Variants in WDR11 observed in about 807,000 individuals in gnomAD.
WDR11 encodes the protein WD repeat-containing protein 11.
WDR11 carries 83 observed loss-of-function variants against 151.2 expected under a neutral mutation model. That is an observed-to-expected ratio of 0.55 (90% CI 0.46 to 0.66). The LOEUF is 0.66. WDR11 is among the 30% of genes least tolerant of loss of function. The probability of loss-of-function intolerance (pLI) is 0.00; values close to 1 mark genes in which losing one functional copy is unlikely to be tolerated. For synonymous variants in WDR11, 484 were observed against 533.1 expected (o/e 0.91, Z 1.27); for missense variants, 1,301 against 1,480.9 (o/e 0.88, Z 1.99).
Position 120,874,198 on chromosome 10 carries a change from TGTTGTTGTTG to T in WDR11, c.1556+276_1556+285del, listed in dbSNP as rs1564703286. ...GCAGTTTTTTTTTTTTTTTTGTTGT[TGTTGTTGTTG>T]TTTGTTTTGTTTTGTTTTGTTTTTT... On this transcript the variant is annotated intron_variant, in intron 11 of 28. Transcript: ENST00000263461. Among the ~76,000 whole-genome samples the T allele has an allele frequency of 0.058, 5,582 of 96,478 alleles. 388 individuals are homozygous for T. The highest frequency in any genetic ancestry group is 0.084 in the East Asian group (231 of 2,756). The allele number at this position is 96,478 out of a possible 152,430, so 63.3% of individuals were successfully genotyped here. A position where few individuals can be genotyped will look rare whatever the true frequency, so the allele number is the denominator to read the frequency against.
intron 4 of WDR11, among the ~76,000 whole-genome samples, chr10:120,861,421 G>A (rs1295128817): frequency 6.6e-6 from 1 of 152,178 alleles, no homozygotes; most frequent in Non-Finnish European, 1.5e-5. Context: ...CATAGGTGCA[G>A]TGCTGGGGAA....
At chr10:120,907,087 A>G (rs1040529014) in intron 28 of WDR11, among the ~76,000 whole-genome samples, 1 of 152,200 alleles carries the variant, frequency 6.6e-6, no homozygotes, top group African/African-American at 2.4e-5. Flanking sequence ...GGAGGGAGGC[A>G]GGAAGGACTA....
intron 21 of WDR11, 114 bp from the exon 22 acceptor site, chr10:120,902,143 C>G: frequency 1.1e-6 from 1 of 890,070 alleles, no homozygotes; most frequent in Non-Finnish European, 1.9e-6. Flanking sequence ...TGTGTAAATT[C>G]TAAACATGTT....
intron 13 of WDR11, among the ~76,000 whole-genome samples, 180 bp from the exon 14 acceptor site, chr10:120,883,600 C>T (rs939976262): frequency 1.3e-5 from 2 of 152,128 alleles, no homozygotes; most frequent in Non-Finnish European, 2.9e-5. Context: ...TGTTCTCTTA[C>T]AGGTCACTTA....
intron 19 of WDR11, among the ~76,000 whole-genome samples, chr10:120,894,289 C>G (rs566311769): frequency 2.0e-4 from 31 of 152,144 alleles, no homozygotes; most frequent in Non-Finnish European, 3.8e-4. Flanking sequence ...CACATTTTTC[C>G]TAAGTAAGCA....
At chr10:120,880,940 C>A in intron 13 of WDR11, 39 bp downstream of exon 13, 1 of 1,534,106 alleles carries the variant, frequency 6.5e-7, no homozygotes, top group Non-Finnish European at 8.9e-7. Flanking sequence ...GGTGTTATCA[C>A]AATGAAATCT....
intron 3 of WDR11, 21 bp downstream of exon 3, chr10:120,858,817 T>TA: frequency 6.2e-7 from 1 of 1,614,084 alleles, no homozygotes; most frequent in Non-Finnish European, 8.5e-7. Flanking sequence ...TCTGCTCAGC[T>TA]AAGTGTGTAT....
In WDR11 at chr10:120,871,286, C is replaced by T. The variant is rs867397877; in HGVS notation, c.1411C>T (p.Arg471Cys). Reference sequence around the variant, plus strand: ...ACTGCCCGCACCACAGTTTGCTATTCGTATGTGTCCACCGTTGACCACAAA... The same window carrying T: ...ACTGCCCGCACCACAGTTTGCTATTTGTATGTGTCCACCGTTGACCACAAA... Reference protein sequence around the residue: ...SGLPAPQFAIRMCPPLTTKNI... With the variant: ...SGLPAPQFAICMCPPLTTKNI... The change falls in exon 10 of 29, where the codon CGT becomes TGT. Residue 471 changes from arginine to cysteine, a missense_variant. By Grantham distance (180) the Arg-to-Cys change is radical. Coordinates refer to ENST00000263461, the MANE Select transcript of WDR11 (RefSeq NM_018117.12). 9 of 1,613,928 alleles carry T rather than the reference C, an allele frequency of 5.6e-6. No homozygotes were observed. The highest frequency in any genetic ancestry group is 4.5e-5 in the East Asian group (2 of 44,884).
intron 6 of WDR11, 135 bp from the exon 7 acceptor site, chr10:120,865,495 A>G: frequency 2.8e-6 from 2 of 705,122 alleles, no homozygotes; most frequent in South Asian, 4.0e-5. Flanking sequence ...TTAAATGTAC[A>G]TTTAGTTTTA....
chr10:120,864,569 G>A (rs1032372616), intron 5 of WDR11, among the ~76,000 whole-genome samples: 1 of 152,094 alleles, frequency 6.6e-6, no homozygotes, highest in African/African-American at 2.4e-5. Flanking sequence ...GTGAATGAAG[G>A]CAGCCAAGGG....
intron 17 of WDR11, 23 bp from the exon 18 acceptor site, chr10:120,889,872 T>C: frequency 6.7e-7 from 1 of 1,492,946 alleles, no homozygotes; most frequent in Non-Finnish European, 9.3e-7. Flanking sequence ...ATTGTATTGA[T>C]GTTTTTGTTT....
intron 18 of WDR11, among the ~76,000 whole-genome samples, chr10:120,890,250 T>A (rs907163790): frequency 6.6e-6 from 1 of 152,184 alleles, no homozygotes; most frequent in Non-Finnish European, 1.5e-5. Flanking sequence ...TTCACTCTTG[T>A]CGCCCAGGCT....
Position 120,851,387 on chromosome 10 carries a change from G to A in WDR11, c.-34G>A, listed in dbSNP as rs1354399470. 2 of 1,587,062 alleles carry A rather than the reference G, an allele frequency of 1.3e-6. No homozygotes were observed. The highest frequency in any genetic ancestry group is 1.7e-6 in the Non-Finnish European group (2 of 1,165,282). On this transcript the variant is annotated 5_prime_UTR_variant, in exon 1 of 29. Transcript: ENST00000263461. ...ACAGTGTCCGCCGCTTCCTGGTTGC[G>A]GGTCAGCGCCCAGGTCCTGGGCTGG...
At chr10:120,905,775 A>C in intron 26 of WDR11, 101 bp from the exon 27 acceptor site, 1 of 1,604,086 alleles carries the variant, frequency 6.2e-7, no homozygotes. Flanking sequence ...AGCAGAGCAT[A>C]GCCTGTATTT....
At chr10:120,864,914 C>G in intron 5 of WDR11, 133 bp from the exon 6 acceptor site, 1 of 993,752 alleles carries the variant, frequency 1.0e-6, no homozygotes, top group Non-Finnish European at 1.5e-6. Context: ...GGATGCCAAC[C>G]CATGTTGGTC....
intron 2 of WDR11, 45 bp downstream of exon 2, chr10:120,852,680 A>G (rs1199974009): frequency 1.3e-6 from 2 of 1,488,156 alleles, no homozygotes; most frequent in African/African-American, 2.8e-5. Flanking sequence ...TCTAGTCTAA[A>G]GTTTAATACT....
At chr10:120,877,299 C>T (rs1320975289) in intron 11 of WDR11, among the ~76,000 whole-genome samples, 2 of 152,140 alleles carry the variant, frequency 1.3e-5, no homozygotes, top group African/African-American at 4.8e-5. Context: ...TACAAAGATA[C>T]TCCATTTTTA....
intron 3 of WDR11, 97 bp downstream of exon 3, chr10:120,858,893 A>T (rs1156423330): frequency 6.8e-7 from 1 of 1,463,468 alleles, no homozygotes; most frequent in Non-Finnish European, 9.4e-7. Context: ...ATTTAATTTT[A>T]TCAATTCCAA....
At chr10:120,875,418 G>T (rs1009506879) in intron 11 of WDR11, among the ~76,000 whole-genome samples, 3 of 152,160 alleles carry the variant, frequency 2.0e-5, no homozygotes. Flanking sequence ...GCTGTCCATA[G>T]CATTATTTCG....
Sources: gnomAD v4.1 joint callset for allele counts (sites outside exome capture counted in the v4.1 genomes callset) on GRCh38, gnomAD v4.1.1 for gene constraint, MANE v1.5 for transcripts, NCBI Gene and HGNC (gene_info 2026-07-23, HGNC 2026-07-21) for gene names.